The following NUP205 variants were observed in gnomAD, a reference collection of about 807,000 sequenced individuals.
The protein encoded by NUP205 is nucleoporin 205, also known as nuclear pore complex protein Nup205.
A neutral mutation model predicts 253.8 loss-of-function variants in NUP205; 76 were observed. The observed-to-expected ratio is 0.30, with a 90% CI of 0.25 to 0.36. The LOEUF is 0.36. Among genes scored for constraint, NUP205 ranks in the 10% least tolerant of loss-of-function variants. The pLI, the probability that NUP205 is intolerant of heterozygous loss-of-function variation, is 1.00. For synonymous variants in NUP205, 832 were observed against 850.1 expected, an observed-to-expected ratio of 0.98 and a Z score of 0.37; for missense variants, 2,162 against 2,425.5, an observed-to-expected ratio of 0.89 and a Z score of 2.28.
At chr7:135,630,104 T>C (rs547035648) in intron 34 of NUP205, among the ~76,000 whole-genome samples, 1 of 152,258 alleles carries the variant, frequency 6.6e-6, no homozygotes, top group Admixed American at 6.5e-5. Flanking sequence ...AAAATAATCC[T>C]TTAGTCTTGT....
chr7:135,624,165 A>T (rs1366549288), intron 31 of NUP205, among the ~76,000 whole-genome samples: 4 of 151,942 alleles, frequency 2.6e-5, no homozygotes, highest in African/African-American at 9.7e-5. Flanking sequence ...AAATGGATGA[A>T]CTGTATTTAT....
intron 7 of NUP205, among the ~76,000 whole-genome samples, chr7:135,581,851 T>TA (rs1177894872): frequency 6.0e-5 from 9 of 149,892 alleles, no homozygotes; most frequent in Non-Finnish European, 1.3e-4. Flanking sequence ...AAACTCTGTT[T>TA]CCAAAAAAAA....
At chr7:135,563,823 A>G (rs1043056985) in intron 1 of NUP205, among the ~76,000 whole-genome samples, 2 of 151,960 alleles carry the variant, frequency 1.3e-5, no homozygotes, top group Admixed American at 6.6e-5. Context: ...CAGTTCTACA[A>G]AAAATACAAA....
At chr7:135,605,062 T>G (rs552131657) in intron 19 of NUP205, among the ~76,000 whole-genome samples, 92 of 152,306 alleles carry the variant, frequency 6.0e-4, no homozygotes, top group African/African-American at 2.2e-3. Context: ...GAATTTTTTT[T>G]TTTCTTCTTT....
intron 27 of NUP205, 27 bp from the exon 28 acceptor site, chr7:135,618,385 C>CT (rs757047824): frequency 1.2e-6 from 2 of 1,600,736 alleles, no homozygotes; most frequent in South Asian, 2.2e-5. Flanking sequence ...CCTGTTTAAC[C>CT]TTGTGATTCA....
chr7:135,596,760 G>A (rs899275884), intron 13 of NUP205, among the ~76,000 whole-genome samples: 8 of 151,384 alleles, frequency 5.3e-5, no homozygotes, highest in African/African-American at 1.9e-4. Flanking sequence ...GACCAGCCTG[G>A]CCAACATGGT....
rs1794431949 is a variant in NUP205 at position 135,619,600 on chromosome 7, G to A, written c.4141G>A (p.Glu1381Lys). ...LDSCFTSPPP[E>K]ENPLVGFASI... ...TAGTTGCTTCACCTCACCTCCTCCT[G>A]AAGAGAACCCATTAGTGGGTTTTGC... The change falls in exon 29 of 43, where the codon GAA becomes AAA. Residue 1381 changes from glutamate to lysine, a missense_variant. Around this residue, in one of 5 missense-constraint regions of NUP205, gnomAD observed 1,144 missense variants for 1,280.9 expected, o/e 0.89. Coordinates refer to ENST00000285968, the MANE Select transcript of NUP205 (RefSeq NM_015135.3). 6.2e-7 allele frequency: 1 copy of A among 1,614,098 alleles called. No homozygotes were observed. Among genetic ancestry groups the A allele is most frequent in the African/African-American group, 1.3e-5 (1 of 75,022 alleles).
chr7:135,587,671 C>T lies in NUP205; in HGVS notation c.1315C>T (p.Leu439=), dbSNP rs201806235. The T allele has an allele frequency of 3.1e-6, 5 of 1,603,516 alleles. No individual in the cohort carries two copies. The highest frequency in any genetic ancestry group is 3.4e-6 in the Non-Finnish European group (4 of 1,174,330). ...NEPPISLRRD[L]EHLMLLIGEL... ...ACCCCCCATTTCACTTAGAAGGGAC[C>T]TGGAACACTTAATGCTTTTGGTAAG... is the stretch of plus-strand genomic sequence containing the variant. Residue 439 remains leucine (L), a synonymous_variant, in exon 9 of 43, where the codon CTG becomes TTG. Transcript: ENST00000285968.
chr7:135,625,039 C>A, intron 31 of NUP205, 125 bp from the exon 32 acceptor site: 1 of 795,470 alleles, frequency 1.3e-6, no homozygotes, highest in Non-Finnish European at 2.0e-6. Flanking sequence ...AATTTTGTTG[C>A]AAGTAACATT....
chr7:135,607,535 C>T (rs528492029), intron 22 of NUP205, among the ~76,000 whole-genome samples, 164 bp downstream of exon 22: 1 of 152,290 alleles, frequency 6.6e-6, no homozygotes, highest in East Asian at 1.9e-4. Flanking sequence ...AAGCACAAAC[C>T]CCAAGTTCTT....
chr7:135,626,845 T>C (rs1472752402), intron 33 of NUP205, among the ~76,000 whole-genome samples: 2 of 152,214 alleles, frequency 1.3e-5, no homozygotes, highest in Non-Finnish European at 2.9e-5. Context: ...AAATTTGATT[T>C]GATTTTCTTT....
chr7:135,596,599 C>T (rs920749757), intron 13 of NUP205, among the ~76,000 whole-genome samples: 1 of 152,012 alleles, frequency 6.6e-6, no homozygotes, highest in Non-Finnish European at 1.5e-5. Context: ...AGGCCCATAT[C>T]GAGGTCTGGA....
chr7:135,638,473 C>A lies in NUP205; in HGVS notation c.5266-84C>A, dbSNP rs76293771. 0.017 allele frequency: 20,300 copies of A among 1,211,606 alleles called. 1,120 individuals carry two copies. In the East Asian group the frequency reaches 0.2, roughly 12 times the overall value. The allele number at this position is 1,211,606 out of a possible 1,614,324, so 75.1% of individuals were successfully genotyped here. The stretch of plus-strand genomic sequence containing the variant: ...AGTCATTTTACAAATTGATTGATAA[C>A]CTTTTCTTCTTCAAATCTCGATTTT... On this transcript the variant is annotated intron_variant, in intron 37 of 42. Coordinates refer to ENST00000285968, the MANE Select transcript of NUP205 (RefSeq NM_015135.3).
chr7:135,580,662 C>T (rs993791602), intron 7 of NUP205, among the ~76,000 whole-genome samples: 8 of 152,114 alleles, frequency 5.3e-5, no homozygotes, highest in East Asian at 3.9e-4. Context: ...AGGGTTTCAC[C>T]GGGTTGCCTA....
intron 38 of NUP205, 110 bp downstream of exon 38, chr7:135,638,793 A>G: frequency 9.3e-7 from 1 of 1,077,302 alleles, no homozygotes; most frequent in Non-Finnish European, 1.4e-6. Flanking sequence ...AGTGTCATTA[A>G]TGGGAAACAT....
At position 135,577,994 on chromosome 7, in the gene NUP205, T is replaced by G; in HGVS notation, c.847T>G (p.Phe283Val). ...MALLYCFDIS[F>V]IEQSTEERDD... Reference sequence around the variant, plus strand: ...GCTTCTATACTGTTTTGATATCAGTTTTATAGAGCAAAGCACAGAGGAACG... The same window carrying G: ...GCTTCTATACTGTTTTGATATCAGTGTTATAGAGCAAAGCACAGAGGAACG... Residue 283 changes from phenylalanine to valine, a missense_variant, in exon 6 of 43, where the codon TTT becomes GTT. Phe to Val is a conservative substitution (Grantham distance 50, BLOSUM62 -1). Coordinates refer to ENST00000285968, the MANE Select transcript of NUP205 (RefSeq NM_015135.3). 1 of 1,613,676 alleles carries G rather than the reference T, an allele frequency of 6.2e-7. No homozygotes were observed.
intron 2 of NUP205, among the ~76,000 whole-genome samples, chr7:135,571,670 G>A (rs1250894978): frequency 6.6e-6 from 1 of 152,022 alleles, no homozygotes; most frequent in African/African-American, 2.4e-5. Flanking sequence ...ATGGAGAATG[G>A]GGAGTCATTC....
chr7:135,642,716 A>G (rs1371131345), intron 38 of NUP205, among the ~76,000 whole-genome samples: 1 of 152,218 alleles, frequency 6.6e-6, no homozygotes, highest in Non-Finnish European at 1.5e-5. Context: ...TTGAGCTGGC[A>G]ATTTAGTAAC....
chr7:135,612,098 C>T (rs1199694233), intron 22 of NUP205, among the ~76,000 whole-genome samples: 2 of 151,596 alleles, frequency 1.3e-5, no homozygotes, highest in Admixed American at 1.3e-4. Flanking sequence ...CCAGCCTGAG[C>T]GACAGAATGA....
Sources: gnomAD v4.1 joint callset for allele counts (sites outside exome capture counted in the v4.1 genomes callset) on GRCh38, gnomAD v4.1.1 for gene constraint, gnomAD v4.1.1 regional missense constraint, MANE v1.5 for transcripts, NCBI Gene and HGNC (gene_info 2026-07-23, HGNC 2026-07-21) for gene names.